MYOM3: variants seen among roughly 807,000 people sequenced by gnomAD.
The protein encoded by MYOM3 is myomesin-3.
MYOM3 carries 155 observed loss-of-function variants against 191.7 expected under a neutral mutation model. The ratio of observed to expected loss-of-function variants is 0.81; its 90% confidence interval spans 0.71 to 0.92. The LOEUF (loss-of-function observed/expected upper bound fraction) is 0.92, where lower values mean the gene tolerates loss of function less well. Among genes scored for constraint, MYOM3 ranks in the 40% least tolerant of loss-of-function variants. The pLI, the probability that MYOM3 is intolerant of heterozygous loss-of-function variation, is 0.00. For missense variants in MYOM3, 1,889 were observed against 1,890.6 expected (o/e 1.00, Z 0.02); for synonymous variants, 757 against 762.9 (o/e 0.99, Z 0.13).
chr1:24,093,123 T>G lies in MYOM3; in HGVS notation c.929-15A>C. On this transcript the variant is annotated splice_polypyrimidine_tract_variant and intron_variant, in intron 9 of 36. Transcript: ENST00000374434. ...CAGTAGGCTCCCTGTGGAGGGGAAG[T>G]GGGGGGCCATTGAGTTTGTGGGGGG... is the stretch of plus-strand genomic sequence containing the variant. The G allele has an allele frequency of 1.3e-6, 2 of 1,593,334 alleles. No homozygotes were observed. Among genetic ancestry groups the G allele is most frequent in the Non-Finnish European group, 1.7e-6 (2 of 1,174,148 alleles).
chr1:24,108,182 C>T, intron 2 of MYOM3, 109 bp from the exon 3 acceptor site: 1 of 1,013,050 alleles, frequency 9.9e-7, no homozygotes, highest in Non-Finnish European at 1.5e-6. Context: ...GCAGGCAGGG[C>T]TGTGCCTCCC....
chr1:24,072,303 C>T (rs1418391966), intron 23 of MYOM3, among the ~76,000 whole-genome samples: 1 of 152,174 alleles, frequency 6.6e-6, no homozygotes, highest in Non-Finnish European at 1.5e-5. Flanking sequence ...GAGCACCTAC[C>T]ATGTGCCTGG....
chr1:24,061,071 A>T lies in MYOM3; in HGVS notation c.3983T>A (p.Ile1328Asn), dbSNP rs185830643. The T allele has an allele frequency of 1.2e-4, 195 of 1,614,166 alleles. 1 individual carries two copies. The East Asian group carries it at 2.0e-3, about 17-fold the overall frequency. ...ATCGGCCGACTTACTCTTCTCGATG[A>T]TGGCCAAGGTTCTGAAAAACAGAAA... ...AEHQRLKTLA[I>N]IEKNRAKVVR... Residue 1328 changes from isoleucine (I) to asparagine (N), a missense_variant, in exon 35 of 37, where the codon ATC (isoleucine) becomes AAC (asparagine). Transcript: ENST00000374434.
rs781746960 is a variant in MYOM3, at chr1:24,107,161, C to T, written c.314G>A (p.Gly105Asp). 5 of 1,611,828 alleles carry T rather than the reference C, an allele frequency of 3.1e-6. No homozygotes were observed. The highest frequency in any genetic ancestry group is 4.2e-6 in the Non-Finnish European group (5 of 1,179,202). ...GATCTCAGTCCTCTCCCAGTCATTG[C>T]CGAAGCCCACCCGCTTCTGCCCTCG... Reference protein sequence around the residue: ...EERGQKRVGFGNDWERTEIAF... With the variant: ...EERGQKRVGFDNDWERTEIAF... The change falls in exon 4 of 37, where the codon GGC (glycine) becomes GAC (aspartate). Residue 105 changes from glycine (G) to aspartate (D), a missense_variant. Gly to Asp is a moderately conservative substitution (Grantham distance 94, BLOSUM62 -1). Transcript: ENST00000374434.
intron 6 of MYOM3, among the ~76,000 whole-genome samples, chr1:24,098,885 G>C (rs1267194183): frequency 6.6e-6 from 1 of 152,176 alleles, no homozygotes; most frequent in Non-Finnish European, 1.5e-5. Context: ...CAGATAGAGA[G>C]AAATGGCTCA....
chr1:24,062,189 T>C (rs3795303), intron 32 of MYOM3, 80 bp from the exon 33 acceptor site: 330,497 of 1,541,264 alleles, frequency 0.21, 39,643 homozygotes, highest in African/African-American at 0.4. Flanking sequence ...TCCTCTCCTC[T>C]GGTTTTGTTT....
chr1:24,071,608 G>A (rs1643532702), intron 24 of MYOM3, among the ~76,000 whole-genome samples: 1 of 152,124 alleles, frequency 6.6e-6, no homozygotes, highest in African/African-American at 2.4e-5. Flanking sequence ...GTGTCATCAT[G>A]GTTCTGTTGT....
intron 3 of MYOM3, 57 bp from the exon 4 acceptor site, chr1:24,107,289 C>A: frequency 6.8e-7 from 1 of 1,470,602 alleles, no homozygotes; most frequent in Non-Finnish European, 9.2e-7. Flanking sequence ...CTGGGGCATC[C>A]TGGCCAGTTC....
chr1:24,089,264 G>C (rs1179747505), intron 14 of MYOM3, among the ~76,000 whole-genome samples: 1 of 152,190 alleles, frequency 6.6e-6, no homozygotes, highest in African/African-American at 2.4e-5. Flanking sequence ...GGAAGTGGTG[G>C]ATCGTATTGT....
intron 32 of MYOM3, among the ~76,000 whole-genome samples, chr1:24,062,723 T>G (rs4648931): frequency 0.85 from 129,524 of 152,068 alleles, 55,682 homozygotes; most frequent in Middle Eastern, 0.91. Context: ...GTTTGCTAAG[T>G]CTGCAGAGGC....
chr1:24,102,135 C>T (rs912433672), intron 5 of MYOM3, among the ~76,000 whole-genome samples: 1 of 152,194 alleles, frequency 6.6e-6, no homozygotes, highest in African/African-American at 2.4e-5. Context: ...CCTCAGCCTG[C>T]ATCCTTCCCT....
intron 24 of MYOM3, 68 bp downstream of exon 24, chr1:24,071,901 C>G: frequency 6.5e-7 from 1 of 1,527,520 alleles, no homozygotes; most frequent in Non-Finnish European, 9.1e-7. Context: ...TGACTCTGCT[C>G]TGCTCAGAAC....
At chr1:24,078,515 G>A (rs1407143967) in intron 20 of MYOM3, among the ~76,000 whole-genome samples, 1 of 152,058 alleles carries the variant, frequency 6.6e-6, no homozygotes, top group Non-Finnish European at 1.5e-5. Flanking sequence ...CCATTGTTAC[G>A]GGCTTCTTGA....
chr1:24,097,285 C>T (rs1408691919), intron 7 of MYOM3, among the ~76,000 whole-genome samples: 5 of 152,182 alleles, frequency 3.3e-5, no homozygotes, highest in Non-Finnish European at 5.9e-5. Flanking sequence ...AAGCGCAATC[C>T]GGTGGGCCAA....
intron 25 of MYOM3, 149 bp from the exon 26 acceptor site, chr1:24,068,516 T>G: frequency 1.2e-6 from 1 of 813,452 alleles, no homozygotes; most frequent in Non-Finnish European, 2.0e-6. Context: ...CCTCTGCTGC[T>G]CCCCCCACAC....
intron 11 of MYOM3, 88 bp from the exon 12 acceptor site, chr1:24,091,084 G>C: frequency 6.9e-7 from 1 of 1,439,190 alleles, no homozygotes; most frequent in Non-Finnish European, 9.5e-7. Flanking sequence ...TCTCTGACTG[G>C]GGGAGCCTGC....
chr1:24,077,181 G>A (rs1304951781), intron 20 of MYOM3, among the ~76,000 whole-genome samples: 1 of 152,174 alleles, frequency 6.6e-6, no homozygotes, highest in East Asian at 1.9e-4. Context: ...GGTCGTGATT[G>A]AGGCTTTGTT....
intron 35 of MYOM3, among the ~76,000 whole-genome samples, chr1:24,059,222 C>T (rs1026898569): frequency 6.6e-6 from 1 of 152,210 alleles, no homozygotes; most frequent in Non-Finnish European, 1.5e-5. Context: ...CAACTTCTGC[C>T]TTCCAGGCTC....
In MYOM3 at chr1:24,063,603, T is replaced by A; in HGVS notation, c.3623-73A>T. The stretch of plus-strand genomic sequence containing the variant: ...GGATGTGCTAGGAGTGGGGACATCC[T>A]AGAAAAAGGCTGGTGGAGCCCGTGA... On this transcript the variant is annotated intron_variant, in intron 30 of 36. Transcript: ENST00000374434. This position sits in a 1 kb window ranked among gnomAD's most constrained non-coding sequence, Gnocchi z 4.5. 2 of 1,569,528 alleles carry A rather than the reference T, an allele frequency of 1.3e-6. No individual in the cohort carries two copies. The highest frequency in any genetic ancestry group is 1.8e-6 in the Non-Finnish European group (2 of 1,141,740).
Sources: allele counts gnomAD v4.1 joint callset (sites outside exome capture counted in the v4.1 genomes callset), GRCh38; gene constraint gnomAD v4.1.1; non-coding constraint Gnocchi (gnomAD v3.1); transcripts MANE v1.5; gene names NCBI Gene and HGNC (gene_info 2026-07-23, HGNC 2026-07-21).